PDPR: variants seen among roughly 807,000 people sequenced by gnomAD.
PDPR encodes the protein pyruvate dehydrogenase phosphatase regulatory subunit, mitochondrial.
In PDPR, 50 loss-of-function variants were observed where a neutral mutation model predicts 102.2. That is an observed-to-expected ratio of 0.49 (90% confidence interval 0.39 to 0.62). The LOEUF is 0.62. Among genes scored for constraint, PDPR ranks in the 20% least tolerant of loss-of-function variants. PDPR has a pLI of 0.00. For synonymous variants in PDPR, 259 were observed against 406.0 expected, an observed-to-expected ratio of 0.64 and a Z score of 4.35; for missense variants, 625 against 1,098.2, an observed-to-expected ratio of 0.57 and a Z score of 6.09.
At chr16:70,135,974 T>C (rs1273670697) in intron 9 of PDPR, among the ~76,000 whole-genome samples, 3 of 150,668 alleles carry the variant, frequency 2.0e-5, no homozygotes, top group African/African-American at 7.3e-5. Flanking sequence ...CAGGCTGAGG[T>C]GAGAGAGTAG....
intron 17 of PDPR, among the ~76,000 whole-genome samples, chr16:70,150,885 T>A (rs1181352012): frequency 6.6e-6 from 1 of 152,264 alleles, no homozygotes; most frequent in East Asian, 1.9e-4. Context: ...GCTTAAGCAG[T>A]CATCCCACTT....
intron 6 of PDPR, among the ~76,000 whole-genome samples, 156 bp from the exon 7 acceptor site, chr16:70,130,267 G>T (rs547845089): frequency 1.0e-4 from 16 of 152,396 alleles, no homozygotes; most frequent in African/African-American, 3.8e-4. Context: ...CACCCTTGGC[G>T]ACAAAGCAAG....
chr16:70,126,652 C>G (rs539673742), intron 3 of PDPR, among the ~76,000 whole-genome samples: 1 of 152,222 alleles, frequency 6.6e-6, no homozygotes, highest in Non-Finnish European at 1.5e-5. Flanking sequence ...CGTGAGCCAC[C>G]GCACTCAGCC....
At chr16:70,154,449 G>A (rs545688655) in intron 18 of PDPR, among the ~76,000 whole-genome samples, 4 of 152,296 alleles carry the variant, frequency 2.6e-5, no homozygotes, top group Non-Finnish European at 4.4e-5. Context: ...GGGCAATACA[G>A]CAAGACCTTG....
chr16:70,141,838 G>A (rs113107688), intron 11 of PDPR, among the ~76,000 whole-genome samples: 4,144 of 150,818 alleles, frequency 0.027, no homozygotes, highest in African/African-American at 0.098. Context: ...AGTGGCTCAC[G>A]CCTGTAATCC....
At chr16:70,142,723 A>T in intron 13 of PDPR, 37 bp downstream of exon 13, 1 of 1,613,308 alleles carries the variant, frequency 6.2e-7, no homozygotes, top group Non-Finnish European at 8.5e-7. Flanking sequence ...TAGATTAGGA[A>T]ACTTTACATA....
chr16:70,132,734 T>TCCAAAGTGCTAAG lies in PDPR; in HGVS notation c.997+435_997+436insCAAAGTGCTAAGC, dbSNP rs1176251034. Among the ~76,000 whole-genome samples, 4 of 152,306 alleles carry TCCAAAGTGCTAAG rather than the reference T, an allele frequency of 2.6e-5. No homozygotes were observed. The East Asian group carries it at 7.7e-4, about 29-fold the overall frequency. On this transcript the variant is annotated intron_variant, in intron 9 of 18. Coordinates refer to ENST00000288050, the MANE Select transcript of PDPR (RefSeq NM_017990.5). ...AACTCCAAGGCTCAAGTGATCCCTT[T>TCCAAAGTGCTAAG]CACCTTGGCCTCCCAAAGTGCTAAG...
At position 70,115,963 on chromosome 16, in the gene PDPR, T is replaced by G. The variant is rs1469265747; in HGVS notation, c.-33+1033T>G. ...AGGTTTGGCGGCAAAGGCACTAGAC[T>G]CTGGTGCCTTCTTTTCCTTCGTTGT... On this transcript the variant is annotated intron_variant, in intron 2 of 18. Transcript: ENST00000288050. Among the ~76,000 whole-genome samples, 3 of 152,134 alleles carry G rather than the reference T, an allele frequency of 2.0e-5. No individual in the cohort carries two copies. The East Asian group carries it at 5.8e-4, about 29-fold the overall frequency.
chr16:70,118,248 A>C (rs528746895), intron 2 of PDPR, among the ~76,000 whole-genome samples: 1 of 152,254 alleles, frequency 6.6e-6, no homozygotes, highest in Non-Finnish European at 1.5e-5. Context: ...TTTCCAGTGG[A>C]TAAAAGAAGG....
At chr16:70,137,326 A>T (rs1182082328) in intron 10 of PDPR, among the ~76,000 whole-genome samples, 1 of 152,242 alleles carries the variant, frequency 6.6e-6, no homozygotes, top group Non-Finnish European at 1.5e-5. Flanking sequence ...ACTGCACTCC[A>T]GCCTGGGCAA....
intron 13 of PDPR, among the ~76,000 whole-genome samples, chr16:70,143,214 A>G (rs1456365260): frequency 1.3e-5 from 2 of 152,260 alleles, no homozygotes; most frequent in Non-Finnish European, 2.9e-5. Flanking sequence ...AACAAAAACA[A>G]AACACTGATT....
chr16:70,155,897 G>T (rs1472621493), intron 18 of PDPR, among the ~76,000 whole-genome samples: 1 of 150,594 alleles, frequency 6.6e-6, no homozygotes, highest in Non-Finnish European at 1.5e-5. Context: ...CTGCCACCCA[G>T]GTTCAAACGA....
intron 3 of PDPR, among the ~76,000 whole-genome samples, chr16:70,124,132 G>A (rs1401917328): frequency 6.6e-6 from 1 of 152,212 alleles, no homozygotes; most frequent in Non-Finnish European, 1.5e-5. Context: ...GGAGGCCAAG[G>A]TGGGTGGATC....
chr16:70,161,717 CT>C lies in PDPR; in HGVS notation c.*4841del, dbSNP rs1182335097. 6.5e-6 allele frequency: 1 copy of C among 152,714 alleles called. No homozygotes were observed. Among genetic ancestry groups the C allele is most frequent in the Non-Finnish European group, 1.5e-5 (1 of 68,322 alleles). 9.5% of individuals were successfully genotyped at this position (152,714 alleles called of 1,614,324 possible). A position where few individuals can be genotyped will look rare whatever the true frequency, so the allele number is the denominator to read the frequency against. On this transcript the variant is annotated 3_prime_UTR_variant, in exon 19 of 19. Transcript: ENST00000288050. ...AAGACAACTGAGTATTTTTGTATGC[CT>C]TTGCCTTCCCTTTGTCCATGAAACA...
chr16:70,124,173 C>T (rs1597303439), intron 3 of PDPR, among the ~76,000 whole-genome samples: 1 of 152,222 alleles, frequency 6.6e-6, no homozygotes, highest in Non-Finnish European at 1.5e-5. Flanking sequence ...GACCAGCCTG[C>T]CCAACATGGG....
chr16:70,122,032 G>T (rs1963355434), intron 3 of PDPR, among the ~76,000 whole-genome samples: 1 of 152,206 alleles, frequency 6.6e-6, no homozygotes, highest in African/African-American at 2.4e-5. Context: ...TGTCACCCAG[G>T]CTGGAGTGCA....
At chr16:70,148,825 AC>A (rs1340582614) in intron 17 of PDPR, among the ~76,000 whole-genome samples, 1 of 152,270 alleles carries the variant, frequency 6.6e-6, no homozygotes, top group South Asian at 2.1e-4. Flanking sequence ...ACCAACTGTC[AC>A]CAATAATATT....
intron 18 of PDPR, among the ~76,000 whole-genome samples, chr16:70,154,449 G>C (rs545688655): frequency 6.6e-6 from 1 of 152,414 alleles, no homozygotes; most frequent in South Asian, 2.1e-4. Flanking sequence ...GGGCAATACA[G>C]CAAGACCTTG....
chr16:70,120,598 TC>T lies in PDPR; in HGVS notation c.108del (p.Met37TrpfsTer53), dbSNP rs1423541215. On this transcript the variant is annotated frameshift_variant, in exon 3 of 19. Transcript: ENST00000288050. LOFTEE classifies it high-confidence loss of function. Reference sequence around the variant, plus strand: ...CAGCACGTCAGCTGCCGAGGCGCGTTCCATGGCCCTGCCCACCCAGGCACAG... The same window carrying T: ...CAGCACGTCAGCTGCCGAGGCGCGTTCATGGCCCTGCCCACCCAGGCACAG... ...RNSTSAAEAR[S>X]MALPTQAQVV... The T allele has an allele frequency of 1.9e-6, 3 of 1,613,848 alleles. No individual in the cohort carries two copies. Among genetic ancestry groups the T allele is most frequent in the Non-Finnish European group, 1.7e-6 (2 of 1,179,864 alleles).
Sources: allele counts gnomAD v4.1 joint callset (sites outside exome capture counted in the v4.1 genomes callset), GRCh38; gene constraint gnomAD v4.1.1; transcripts MANE v1.5; gene names NCBI Gene and HGNC (gene_info 2026-07-23, HGNC 2026-07-21).